Variants in CGNL1 observed in about 807,000 individuals in gnomAD.
The protein encoded by CGNL1 is cingulin-like protein 1.
A neutral mutation model predicts 141.2 loss-of-function variants in CGNL1; 132 were observed. The observed-to-expected ratio is 0.93, with a 90% CI of 0.81 to 1.08. CGNL1 has a LOEUF of 1.08. Ranked by LOEUF, CGNL1 falls within the 50% of genes least tolerant of loss-of-function variation. The pLI is 0.00. For synonymous variants in CGNL1, 690 were observed against 622.1 expected (o/e 1.11, Z -1.63); for missense variants, 1,870 against 1,588.6 (o/e 1.18, Z -3.01).
intron 4 of CGNL1, among the ~76,000 whole-genome samples, chr15:57,450,097 G>T (rs1314312682): frequency 6.6e-6 from 1 of 152,096 alleles, no homozygotes; most frequent in Non-Finnish European, 1.5e-5. Context: ...TGGGTTGTAT[G>T]GTAAGAGCAT....
chr15:57,391,726 T>TA (rs1208293626), intron 1 of CGNL1, among the ~76,000 whole-genome samples: 9 of 152,190 alleles, frequency 5.9e-5, no homozygotes, highest in Non-Finnish European at 1.3e-4. Flanking sequence ...TTGGGGGAGT[T>TA]AGTTTGAAGA....
chr15:57,509,810 A>G (rs2030085418), intron 8 of CGNL1, among the ~76,000 whole-genome samples: 1 of 152,212 alleles, frequency 6.6e-6, no homozygotes, highest in Admixed American at 6.5e-5. Context: ...TATGGCTAAA[A>G]GTCAACTATT....
At chr15:57,542,393 C>A (rs1319333937) in intron 14 of CGNL1, among the ~76,000 whole-genome samples, 1 of 152,236 alleles carries the variant, frequency 6.6e-6, no homozygotes, top group African/African-American at 2.4e-5. Flanking sequence ...CTGCCCTCTG[C>A]TGGACAGTTC....
intron 14 of CGNL1, among the ~76,000 whole-genome samples, chr15:57,543,413 T>A (rs1262721396): frequency 6.6e-6 from 1 of 152,150 alleles, no homozygotes; most frequent in East Asian, 1.9e-4. Context: ...TACTGGGGAT[T>A]AGGGCGTCAA....
chr15:57,520,912 A>G (rs1280362), intron 10 of CGNL1, among the ~76,000 whole-genome samples: 245 of 152,242 alleles, frequency 1.6e-3, no homozygotes, highest in African/African-American at 5.6e-3. Context: ...CATTAATATG[A>G]GCCAATTGGG....
intron 14 of CGNL1, among the ~76,000 whole-genome samples, chr15:57,539,020 C>T (rs978467744): frequency 1.6e-4 from 24 of 152,146 alleles, no homozygotes; most frequent in Non-Finnish European, 7.3e-5. Context: ...ACATCTGCCT[C>T]GGAGAGTTCC....
chr15:57,443,524 AG>A (rs146234126), intron 4 of CGNL1, among the ~76,000 whole-genome samples: 4,478 of 152,262 alleles, frequency 0.029, 217 homozygotes, highest in African/African-American at 0.1. Context: ...GCGTACATAC[AG>A]GGGATAATTT....
Position 57,531,734 on chromosome 15 carries a change from CA to C in CGNL1, c.3248del (p.Asn1083ThrfsTer19). The C allele has an allele frequency of 6.2e-7, 1 of 1,613,214 alleles. No homozygotes were observed. The highest frequency in any genetic ancestry group is 8.5e-7 in the Non-Finnish European group (1 of 1,179,220). The stretch of plus-strand genomic sequence containing the variant: ...AGATGGAACTGGAAGAAGAGAGAAA[CA>C]ACTCAGATTTGCTGTCTGAGAGGAT... ...LEMELEEERNNSDLLSERISR... is the reference protein window; with the variant it reads ...LEMELEEERNXSDLLSERISR... On this transcript the variant is annotated frameshift_variant, in exon 14 of 19. Coordinates refer to ENST00000281282, the MANE Select transcript of CGNL1 (RefSeq NM_032866.5). LOFTEE classifies it high-confidence loss of function.
At chr15:57,526,296 A>T (rs1466993975) in intron 12 of CGNL1, among the ~76,000 whole-genome samples, 2 of 152,138 alleles carry the variant, frequency 1.3e-5, no homozygotes, top group East Asian at 3.9e-4. Flanking sequence ...TGGACACCTC[A>T]TCATTCTGCA....
At chr15:57,453,067 A>G (rs2063340045) in intron 6 of CGNL1, among the ~76,000 whole-genome samples, 1 of 152,168 alleles carries the variant, frequency 6.6e-6, no homozygotes, top group African/African-American at 2.4e-5. Flanking sequence ...ATAAAAAGGT[A>G]TAGTAGTTGT....
chr15:57,404,755 G>T (rs1484538301), intron 1 of CGNL1, among the ~76,000 whole-genome samples: 1 of 152,102 alleles, frequency 6.6e-6, no homozygotes, highest in African/African-American at 2.4e-5. Flanking sequence ...CAAGAGGGGC[G>T]CCTGCTTTTG....
chr15:57,514,809 C>A (rs2030635294), intron 8 of CGNL1, among the ~76,000 whole-genome samples: 1 of 152,066 alleles, frequency 6.6e-6, no homozygotes, highest in Non-Finnish European at 1.5e-5. Flanking sequence ...AACTTCATTT[C>A]TTTTTCATGT....
chr15:57,460,181 C>G (rs186672259), intron 7 of CGNL1, among the ~76,000 whole-genome samples: 16 of 151,942 alleles, frequency 1.1e-4, no homozygotes, highest in African/African-American at 3.9e-4. Flanking sequence ...GAAAGAAGGG[C>G]ATCTTAGAGA....
chr15:57,379,212 T>A (rs75397736), intron 1 of CGNL1, among the ~76,000 whole-genome samples: 1,585 of 152,270 alleles, frequency 0.01, 26 homozygotes, highest in East Asian at 0.047. Flanking sequence ...TGAACAGCAA[T>A]AGTTACACTG....
At chr15:57,512,017 A>G (rs1166791123) in intron 8 of CGNL1, among the ~76,000 whole-genome samples, 3 of 152,214 alleles carry the variant, frequency 2.0e-5, no homozygotes, top group African/African-American at 7.2e-5. Context: ...AGCAACTTCA[A>G]TGACTTTAGC....
chr15:57,415,958 G>A (rs1196238338), intron 1 of CGNL1, among the ~76,000 whole-genome samples: 14 of 152,266 alleles, frequency 9.2e-5, no homozygotes, highest in East Asian at 1.9e-4. Flanking sequence ...TTTGCCGGCC[G>A]TGGGATCCCT....
chr15:57,408,842 C>G (rs150579743), intron 1 of CGNL1, among the ~76,000 whole-genome samples: 3,598 of 152,154 alleles, frequency 0.024, 62 homozygotes, highest in South Asian at 0.039. Flanking sequence ...GAGTTTGAGA[C>G]CAGCCTGGCC....
Position 57,439,366 on chromosome 15 carries a change from G to C in CGNL1, c.1367G>C (p.Cys456Ser). Residue 456 changes from cysteine (C) to serine (S), a missense_variant, in exon 2 of 19, where the codon TGT becomes TCT. Coordinates refer to ENST00000281282, the MANE Select transcript of CGNL1 (RefSeq NM_032866.5). ...KLQGAAHGAS[C>S]AHSRPPQPNI... is the part of the protein sequence containing the mutation. Reference sequence around the variant, plus strand: ...CAGGGAGCAGCGCACGGGGCTTCATGTGCCCACTCCAGGCCTCCCCAGCCG... The same window carrying C: ...CAGGGAGCAGCGCACGGGGCTTCATCTGCCCACTCCAGGCCTCCCCAGCCG... The C allele has an allele frequency of 6.2e-7, 1 of 1,614,148 alleles. No individual in the cohort carries two copies. Among genetic ancestry groups the C allele is most frequent in the Non-Finnish European group, 8.5e-7 (1 of 1,180,026 alleles).
At chr15:57,462,182 T>C (rs2063455860) in intron 8 of CGNL1, among the ~76,000 whole-genome samples, 1 of 152,026 alleles carries the variant, frequency 6.6e-6, no homozygotes, top group African/African-American at 2.4e-5. Flanking sequence ...CCTTGCAGAG[T>C]GGAGGGATGT....
Sources: allele counts gnomAD v4.1 joint callset (sites outside exome capture counted in the v4.1 genomes callset), GRCh38; gene constraint gnomAD v4.1.1; transcripts MANE v1.5; gene names NCBI Gene and HGNC (gene_info 2026-07-23, HGNC 2026-07-21).